NSRP1: variants seen among roughly 807,000 people sequenced by gnomAD.
The protein encoded by NSRP1 is nuclear speckle splicing regulatory protein 1.
In NSRP1, 24 loss-of-function variants were observed where a neutral mutation model predicts 54.7. That is an observed-to-expected ratio of 0.44 (90% CI 0.32 to 0.62). The LOEUF (loss-of-function observed/expected upper bound fraction) is 0.62. Among genes scored for constraint, NSRP1 ranks in the 20% least tolerant of loss-of-function variants. The pLI, the probability that NSRP1 is intolerant of heterozygous loss-of-function variation, is 0.06. For missense variants in NSRP1, 596 were observed against 651.2 expected, an observed-to-expected ratio of 0.92 and a Z score of 0.92; for synonymous variants, 210 against 213.8, an observed-to-expected ratio of 0.98 and a Z score of 0.15.
chr17:30,135,378 G>A (rs1380394661), intron 2 of NSRP1, among the ~76,000 whole-genome samples: 1 of 151,958 alleles, frequency 6.6e-6, no homozygotes, highest in Non-Finnish European at 1.5e-5. Context: ...GCCCACTTCG[G>A]CCTCCCAAAG....
At position 30,116,893 on chromosome 17, in the gene NSRP1, G is replaced by C. The variant is rs752817493; in HGVS notation, c.20+30G>C. The C allele has an allele frequency of 5.8e-6, 9 of 1,565,094 alleles. No individual in the cohort carries two copies. In the Admixed American group the frequency reaches 1.7e-4, roughly 30 times the overall value. ...GTGATCCGGGAGTTAGGGTCAGGCTGGGGGATGAGAAACTACGGCGACTGT... is the reference window on the plus strand; with the variant it reads ...GTGATCCGGGAGTTAGGGTCAGGCTCGGGGATGAGAAACTACGGCGACTGT... On this transcript the variant is annotated intron_variant, in intron 1 of 6. Coordinates refer to ENST00000247026, the MANE Select transcript of NSRP1 (RefSeq NM_032141.4).
chr17:30,154,062 A>G (rs2071938449), intron 2 of NSRP1, among the ~76,000 whole-genome samples: 1 of 152,122 alleles, frequency 6.6e-6, no homozygotes, highest in Non-Finnish European at 1.5e-5. Context: ...ATGTGCTGTA[A>G]TCTCAGCACT....
chr17:30,177,851 A>G, intron 3 of NSRP1: 1 of 592,808 alleles, frequency 1.7e-6, no homozygotes, highest in Non-Finnish European at 3.0e-6. Flanking sequence ...AAGGTACCAA[A>G]AGATTACAAA....
intron 2 of NSRP1, among the ~76,000 whole-genome samples, chr17:30,141,630 T>G (rs2071806024): frequency 6.6e-6 from 1 of 152,246 alleles, no homozygotes; most frequent in South Asian, 2.1e-4. Context: ...TACATACATA[T>G]GTACGTTTGA....
chr17:30,141,783 G>C (rs555730487), intron 2 of NSRP1, among the ~76,000 whole-genome samples: 4 of 152,156 alleles, frequency 2.6e-5, no homozygotes, highest in Non-Finnish European at 4.4e-5. Context: ...TGGGCGGATT[G>C]ATTGAGCTCA....
At position 30,169,552 on chromosome 17, in the gene NSRP1, A is replaced by G. The variant is rs192062703; in HGVS notation, c.115-2990A>G. On this transcript the variant is annotated intron_variant, in intron 2 of 6. Coordinates refer to ENST00000247026, the MANE Select transcript of NSRP1 (RefSeq NM_032141.4). ...TTCAGTTTTGGTATTTAAAATTGAT[A>G]TTCTAGTGAATGAAAGTTTCATATT... Among the ~76,000 whole-genome samples the G allele has an allele frequency of 1.8e-3, 267 of 152,242 alleles. 1 individual carries two copies. The highest frequency in any genetic ancestry group is 2.7e-3 in the Admixed American group (42 of 15,298).
chr17:30,185,813 G>A lies in NSRP1; in HGVS notation c.*139G>A, dbSNP rs1218929793. The A allele has an allele frequency of 2.1e-6, 2 of 958,702 alleles. No homozygotes were observed. The highest frequency in any genetic ancestry group is 3.0e-6 in the Non-Finnish European group (2 of 667,326). 59.4% of individuals were successfully genotyped at this position (958,702 alleles called of 1,614,324 possible). On this transcript the variant is annotated 3_prime_UTR_variant, in exon 7 of 7. Coordinates refer to ENST00000247026, the MANE Select transcript of NSRP1 (RefSeq NM_032141.4). ...TTATTTTCAAAATTTTAAGTTAAAA[G>A]TCAGTCTTACAGCTTGGATGTTTGG...
rs772255144 is a variant in NSRP1 at position 30,169,856 on chromosome 17, AAG to A, written c.115-2685_115-2684del. Among the ~76,000 whole-genome samples the A allele has an allele frequency of 9.2e-5, 14 of 152,148 alleles. No homozygotes were observed. The East Asian group carries it at 1.3e-3, about 15-fold the overall frequency. ...TCTGGTTATTACCATGAAAAAAAAA[AAG>A]CACCAATTGCTGGTACAATACAACT... On this transcript the variant is annotated intron_variant, in intron 2 of 6. Transcript: ENST00000247026.
intron 3 of NSRP1, among the ~76,000 whole-genome samples, chr17:30,173,790 G>A (rs1905036056): frequency 6.6e-6 from 1 of 152,170 alleles, no homozygotes; most frequent in Admixed American, 6.5e-5. Flanking sequence ...ATAAATGGTA[G>A]GGCTGTGTTC....
At chr17:30,117,310 T>C (rs1378204857) in intron 1 of NSRP1, 2 of 575,130 alleles carry the variant, frequency 3.5e-6, no homozygotes, top group Non-Finnish European at 6.2e-6. Flanking sequence ...AGGAATATTG[T>C]TCTGAGAAGC....
rs1323232047 is a variant in NSRP1 at position 30,185,545 on chromosome 17, A to G, written c.1548A>G (p.Pro516=). 2 of 1,614,200 alleles carry G rather than the reference A, an allele frequency of 1.2e-6. No individual in the cohort carries two copies. The highest frequency in any genetic ancestry group is 2.2e-5 in the South Asian group (2 of 91,082). ...GQEKGKEQER[P]PEAVSKFAKR... ...AGAAGGGTAAAGAACAAGAGAGACC[A>G]CCTGAGGCAGTGAGCAAGTTTGCAA... Residue 516 remains proline, a synonymous_variant, in exon 7 of 7, where the codon CCA becomes CCG. Transcript: ENST00000247026.
At chr17:30,181,398 C>CTTTTTT (rs61484398) in intron 6 of NSRP1, among the ~76,000 whole-genome samples, 18 of 121,850 alleles carry the variant, frequency 1.5e-4, no homozygotes, top group East Asian at 2.6e-4. Context: ...TTTCTTTTTT[C>CTTTTTT]TTTTTTTTTT....
intron 2 of NSRP1, chr17:30,127,940 G>A (rs1162712075): frequency 2.3e-5 from 9 of 397,164 alleles, no homozygotes; most frequent in South Asian, 2.6e-4. Context: ...GCCGAAGCAC[G>A]CCTCTCACCT....
Position 30,135,010 on chromosome 17 carries a change from A to T in NSRP1, c.114+16837A>T, listed in dbSNP as rs146441422. On this transcript the variant is annotated intron_variant, in intron 2 of 6. Transcript: ENST00000247026. Reference sequence around the variant, plus strand: ...TCCCATTGTCCGGATATATATATATATTTTTTGAACAGTCTATCCCAAGGG... The same window carrying T: ...TCCCATTGTCCGGATATATATATATTTTTTTTGAACAGTCTATCCCAAGGG... 1.5e-3 allele frequency among the ~76,000 whole-genome samples: 229 copies of T among 152,266 alleles called. 2 individuals are homozygous for T. Among genetic ancestry groups the T allele is most frequent in the Middle Eastern group, 0.014 (4 of 294 alleles).
intron 2 of NSRP1, among the ~76,000 whole-genome samples, chr17:30,167,541 G>A (rs1330255457): frequency 3.3e-5 from 5 of 151,916 alleles, no homozygotes; most frequent in African/African-American, 7.2e-5. Flanking sequence ...CCCGGGAGGC[G>A]GAGGTTGCAG....
At chr17:30,158,896 G>GTGA (rs1308172345) in intron 2 of NSRP1, among the ~76,000 whole-genome samples, 2 of 152,164 alleles carry the variant, frequency 1.3e-5, no homozygotes, top group Non-Finnish European at 2.9e-5. Flanking sequence ...GTCAGGTAGT[G>GTGA]TGATGCCTCT....
At chr17:30,116,907 T>C in intron 1 of NSRP1, 44 bp downstream of exon 1, 1 of 1,558,628 alleles carries the variant, frequency 6.4e-7, no homozygotes, top group Non-Finnish European at 8.7e-7. Flanking sequence ...GATGAGAAAC[T>C]ACGGCGACTG....
chr17:30,177,682 G>T (rs1158464882), intron 3 of NSRP1, among the ~76,000 whole-genome samples: 1 of 152,108 alleles, frequency 6.6e-6, no homozygotes, highest in Admixed American at 6.5e-5. Context: ...TTGACCTTTT[G>T]ATGGGTATAA....
chr17:30,178,318 C>A, intron 4 of NSRP1, 119 bp downstream of exon 4: 2 of 1,030,238 alleles, frequency 1.9e-6, no homozygotes, highest in Non-Finnish European at 2.7e-6. Flanking sequence ...TGTGAAGAGT[C>A]CCTAATTCCA....
Sources: allele counts gnomAD v4.1 joint callset (sites outside exome capture counted in the v4.1 genomes callset), GRCh38; gene constraint gnomAD v4.1.1; transcripts MANE v1.5; gene names NCBI Gene and HGNC (gene_info 2026-07-23, HGNC 2026-07-21).